The following WNT9B variants were observed in gnomAD, a reference collection of about 807,000 sequenced individuals.
WNT9B encodes the protein Wnt family member 9B.
WNT9B carries 12 observed loss-of-function variants against 30.2 expected under a neutral mutation model. That is an observed-to-expected ratio of 0.40 (90% CI 0.26 to 0.64). WNT9B has a LOEUF of 0.64. Ranked by LOEUF, WNT9B falls within the 30% of genes least tolerant of loss-of-function variation. The pLI is 0.42. For missense variants in WNT9B, 442 were observed against 485.2 expected, an observed-to-expected ratio of 0.91 and a Z score of 0.84; for synonymous variants, 218 against 216.9, an observed-to-expected ratio of 1.01 and a Z score of -0.05.
upstream of WNT9B, among the ~76,000 whole-genome samples, chr17:46,846,941 T>A (rs2084782842): frequency 6.6e-6 from 1 of 152,186 alleles, no homozygotes; most frequent in African/African-American, 2.4e-5. Context: ...AGGACTCCAG[T>A]CCAGAAATAC....
chr17:46,872,790 GGGGAC>G lies in WNT9B; in HGVS notation c.334+21_334+25del. 6.5e-7 allele frequency: 1 copy of G among 1,533,290 alleles called. No homozygotes were observed. The highest frequency in any genetic ancestry group is 9.0e-7 in the Non-Finnish European group (1 of 1,116,518). The allele number at this position is 1,533,290 out of a possible 1,614,324, so 95.0% of individuals were successfully genotyped here. A position where few individuals can be genotyped will look rare whatever the true frequency, so the allele number is the denominator to read the frequency against. Reference sequence around the variant, plus strand: ...TCAAGAGAGGTGGGGAGGAGGGCTAGGGGACGGGGAGGGCTGGGGGAAGAAGCCTT... The same window carrying G: ...TCAAGAGAGGTGGGGAGGAGGGCTAGGGGGAGGGCTGGGGGAAGAAGCCTT... On this transcript the variant is annotated intron_variant, in intron 2 of 3. Transcript: ENST00000290015.
chr17:46,868,439 CA>C (rs970884315), intron 1 of WNT9B, among the ~76,000 whole-genome samples: 3 of 151,596 alleles, frequency 2.0e-5, no homozygotes, highest in South Asian at 2.1e-4. Flanking sequence ...TAAAAATACA[CA>C]AAAAAAATAG....
intron 1 of WNT9B, among the ~76,000 whole-genome samples, chr17:46,846,158 T>A (rs1346155835): frequency 1.3e-5 from 2 of 152,212 alleles, no homozygotes; most frequent in African/African-American, 4.8e-5. Flanking sequence ...TAGACAGAAC[T>A]GGACTGCTCA....
chr17:46,856,477 G>A (rs942983472), intron 1 of WNT9B, among the ~76,000 whole-genome samples: 2 of 151,360 alleles, frequency 1.3e-5, no homozygotes, highest in African/African-American at 2.4e-5. Context: ...TGAAATGCAT[G>A]CTTTTTCTTT....
At chr17:46,861,558 G>A (rs2085038103) in intron 1 of WNT9B, among the ~76,000 whole-genome samples, 1 of 152,296 alleles carries the variant, frequency 6.6e-6, no homozygotes, top group East Asian at 1.9e-4. Context: ...ACACAAAGCA[G>A]AGAGCAGAGA....
In WNT9B at chr17:46,873,512, G is replaced by A. The variant is rs144629812; in HGVS notation, c.334+739G>A. On this transcript the variant is annotated intron_variant, in intron 2 of 3. Transcript: ENST00000290015. ...AATGTGGCTTGAGGACACAGCTCCG[G>A]GTGGGTCTCCCTGTCAATTGCCCCT... Among the ~76,000 whole-genome samples the A allele has an allele frequency of 3.2e-3, 488 of 152,270 alleles. 1 individual carries two copies. The highest frequency in any genetic ancestry group is 0.011 in the African/African-American group (472 of 41,542).
In WNT9B at chr17:46,875,355, G is replaced by T; in HGVS notation, c.589G>T (p.Val197Leu). ...ACGGGCAGACGCCCACAATACCCAC[G>T]TGGGCATCAAGGTGAGCATGTCCCT... is the stretch of plus-strand genomic sequence containing the variant. ...RARADAHNTH[V>L]GIKAVKSGLR... Residue 197 changes from valine (V) to leucine (L), a missense_variant, in exon 3 of 4, where the codon GTG (valine) becomes TTG (leucine). Physicochemically the swap from Val to Leu is conservative, Grantham distance 32. Coordinates refer to ENST00000290015, the MANE Select transcript of WNT9B (RefSeq NM_003396.3). The T allele has an allele frequency of 6.2e-7, 1 of 1,604,434 alleles. No individual in the cohort carries two copies. The highest frequency in any genetic ancestry group is 8.5e-7 in the Non-Finnish European group (1 of 1,173,516).
rs369515545 is a variant in WNT9B at position 46,876,673 on chromosome 17, C to A, written c.1029C>A (p.Cys343Ter). 41 of 1,591,188 alleles carry A rather than the reference C, an allele frequency of 2.6e-5. No homozygotes were observed. The highest frequency in any genetic ancestry group is 3.3e-5 in the Non-Finnish European group (39 of 1,165,542). The change falls in exon 4 of 4, where the codon TGC becomes TGA. Residue 343 changes from cysteine to a stop codon, truncating the protein, a stop_gained. Transcript: ENST00000290015. LOFTEE classifies it high-confidence loss of function. ...CQVQWCCYVE[C>*]QQCVQEELVY... is the part of the protein sequence containing the mutation. ...TGCAGTGGTGCTGCTACGTGGAGTG[C>A]CAGCAATGTGTGCAGGAGGAGCTTG...
chr17:46,837,247 T>C (rs534545085), intron 1 of WNT9B, among the ~76,000 whole-genome samples: 1 of 152,284 alleles, frequency 6.6e-6, no homozygotes, highest in Non-Finnish European at 1.5e-5. Context: ...GGCTGAACCT[T>C]GCAAGTATTT....
At chr17:46,836,576 A>C (rs1395524821) in intron 1 of WNT9B, among the ~76,000 whole-genome samples, 1 of 152,254 alleles carries the variant, frequency 6.6e-6, no homozygotes, top group Non-Finnish European at 1.5e-5. Context: ...TTTCTGAAGC[A>C]GTTGGGAGAA....
intron 1 of WNT9B, among the ~76,000 whole-genome samples, chr17:46,843,787 T>C (rs1208041457): frequency 1.3e-5 from 2 of 152,362 alleles, no homozygotes; most frequent in Middle Eastern, 3.4e-3. Flanking sequence ...AGTTTACACT[T>C]ATATAGATAT....
At position 46,851,931 on chromosome 17, in the gene WNT9B, A is replaced by G. The variant is rs1022904311; in HGVS notation, c.77+216A>G. ...CGGCTCCGAATCCATCGCCCTGTTC[A>G]GTGTCCGAGTCTCTGGTCGCCCCCC... On this transcript the variant is annotated intron_variant, in intron 1 of 3. Transcript: ENST00000290015. This position sits in a 1 kb window ranked among gnomAD's most constrained non-coding sequence, Gnocchi z 4.3. Among the ~76,000 whole-genome samples, 20 of 151,864 alleles carry G rather than the reference A, an allele frequency of 1.3e-4. No homozygotes were observed. The highest frequency in any genetic ancestry group is 1.5e-4 in the African/African-American group (6 of 41,328).
chr17:46,883,224 C>T (rs1170147671), downstream of WNT9B, among the ~76,000 whole-genome samples: 2 of 150,674 alleles, frequency 1.3e-5, no homozygotes, highest in South Asian at 2.1e-4. Context: ...CCTCGTGATC[C>T]GCCCACCTCA....
intron 1 of WNT9B, among the ~76,000 whole-genome samples, chr17:46,854,096 A>G (rs976883480): frequency 6.6e-6 from 1 of 152,170 alleles, no homozygotes; most frequent in Non-Finnish European, 1.5e-5. Flanking sequence ...CACCACCCCA[A>G]TCTGGGGAGC....
upstream of WNT9B, among the ~76,000 whole-genome samples, chr17:46,849,721 G>C (rs2084817151): frequency 6.6e-6 from 1 of 152,190 alleles, no homozygotes. Context: ...GAGATCAACA[G>C]ATGATACAAA....
At position 46,835,877 on chromosome 17, in the gene WNT9B, A is replaced by G. The variant is rs2084622491; in HGVS notation, c.95+2437A>G. Reference sequence around the variant, plus strand: ...TTAACCAGGAAGTTGAGCTACCTTCACTAAAGAAGAGTGGAGACAGGAGAC... The same window carrying G: ...TTAACCAGGAAGTTGAGCTACCTTCGCTAAAGAAGAGTGGAGACAGGAGAC... On this transcript the variant is annotated intron_variant, in intron 1 of 2. Coordinates refer to the WNT9B transcript ENST00000575372. Among the ~76,000 whole-genome samples, 4 of 152,114 alleles carry G rather than the reference A, an allele frequency of 2.6e-5. No homozygotes were observed. In the South Asian group the frequency reaches 8.3e-4, roughly 32 times the overall value.
chr17:46,847,698 C>T (rs562749701), upstream of WNT9B, among the ~76,000 whole-genome samples: 1 of 152,314 alleles, frequency 6.6e-6, no homozygotes, highest in South Asian at 2.1e-4. Context: ...ATCTGTTCCA[C>T]TTCCTGTTGG....
chr17:46,861,973 G>T (rs9911084), intron 1 of WNT9B, among the ~76,000 whole-genome samples: 3,637 of 152,198 alleles, frequency 0.024, 144 homozygotes, highest in African/African-American at 0.084. Flanking sequence ...AGAACAGCCT[G>T]GCCAACATGG....
At position 46,851,665 on chromosome 17, in the gene WNT9B, G is replaced by T; in HGVS notation, c.27G>T (p.Leu9=). The T allele has an allele frequency of 7.7e-7, 1 of 1,302,216 alleles. No individual in the cohort carries two copies. The highest frequency in any genetic ancestry group is 2.3e-5 in the South Asian group (1 of 43,078). The allele number at this position is 1,302,216 out of a possible 1,614,324, so 80.7% of individuals were successfully genotyped here. MRPPPALA[L]AGLCLLALPA... ...TGCGCCCCCCGCCCGCGCTGGCCCTGGCCGGGCTCTGCCTGCTGGCGCTGC... is the reference window on the plus strand; with the variant it reads ...TGCGCCCCCCGCCCGCGCTGGCCCTTGCCGGGCTCTGCCTGCTGGCGCTGC... The change falls in exon 1 of 4, where the codon CTG becomes CTT. Residue 9 remains leucine, a synonymous_variant. Transcript: ENST00000290015. The surrounding 1 kb of genome is among the most constrained non-coding windows in gnomAD (Gnocchi z 4.3).
Sources: gnomAD v4.1 joint callset for allele counts (sites outside exome capture counted in the v4.1 genomes callset) on GRCh38, gnomAD v4.1.1 for gene constraint, Gnocchi (gnomAD v3.1) non-coding constraint, MANE v1.5 for transcripts, NCBI Gene and HGNC (gene_info 2026-07-23, HGNC 2026-07-21) for gene names.